GATAD1: variants seen among roughly 807,000 people sequenced by gnomAD.
GATAD1 encodes the protein GATA zinc finger domain-containing protein 1.
Under a neutral mutation model 26.5 loss-of-function variants are expected in GATAD1, and 12 were observed. That is an observed-to-expected ratio of 0.45 (90% CI 0.29 to 0.73). GATAD1 has a LOEUF of 0.73. Among genes scored for constraint, GATAD1 ranks in the 30% least tolerant of loss-of-function variants. The pLI is 0.10. For missense variants in GATAD1, 266 were observed against 342.1 expected (o/e 0.78, Z 1.75); for synonymous variants, 129 against 133.1 (o/e 0.97, Z 0.21).
the GATAD1 span, chr7:92,470,693 A>G: frequency 4.2e-6 from 1 of 240,542 alleles, no homozygotes; most frequent in Non-Finnish European, 8.6e-6. Flanking sequence ...TCTCAGGGAT[A>G]GGTTCCTTGT....
the GATAD1 span, chr7:92,487,342 A>G: frequency 1.6e-6 from 1 of 633,506 alleles, no homozygotes; most frequent in Non-Finnish European, 2.8e-6. Context: ...GATTTTATAA[A>G]TTAACCAAAT....
the GATAD1 span, chr7:92,493,448 A>G: frequency 5.8e-6 from 1 of 172,556 alleles, no homozygotes; most frequent in Non-Finnish European, 1.2e-5. Context: ...AGCCTGGGCA[A>G]CACAGGGAGA....
At chr7:92,476,010 T>C in the GATAD1 span, among the ~76,000 whole-genome samples, 2 of 152,336 alleles carry the variant, frequency 1.3e-5, no homozygotes, top group South Asian at 4.1e-4. Flanking sequence ...CCCGTATCAA[T>C]TACTGAATAC....
At chr7:92,461,367 C>G (rs929526274), downstream of GATAD1, 7 of 152,238 alleles carry the variant, frequency 4.6e-5, no homozygotes, top group Non-Finnish European at 7.3e-5. Flanking sequence ...ACAGAAGCAA[C>G]AGCCTTACAC....
chr7:92,471,857 A>G, the GATAD1 span: 2 of 152,192 alleles, frequency 1.3e-5, no homozygotes, highest in African/African-American at 4.8e-5. Context: ...GGACTAGGTA[A>G]GCATATTTAG....
At chr7:92,454,787 C>A in intron 4 of GATAD1, 102 bp downstream of exon 4, 1 of 765,740 alleles carries the variant, frequency 1.3e-6, no homozygotes, top group Non-Finnish European at 2.1e-6. Context: ...GACAAAATAT[C>A]ACAGACTGAG....
At chr7:92,485,268 C>A in the GATAD1 span, among the ~76,000 whole-genome samples, 1 of 152,142 alleles carries the variant, frequency 6.6e-6, no homozygotes, top group Admixed American at 6.5e-5. Flanking sequence ...GGCTCAGAGG[C>A]CTGACAGTCG....
chr7:92,488,009 A>G, the GATAD1 span, among the ~76,000 whole-genome samples: 2 of 152,242 alleles, frequency 1.3e-5, no homozygotes, highest in Non-Finnish European at 2.9e-5. Context: ...ACAATTAGAT[A>G]TGTGCATATA....
the GATAD1 span, among the ~76,000 whole-genome samples, chr7:92,474,372 C>T: frequency 6.6e-6 from 1 of 152,314 alleles, no homozygotes; most frequent in South Asian, 2.1e-4. Context: ...TCCTCAATGC[C>T]TCCCTTAGTC....
chr7:92,470,478 T>G, the GATAD1 span: 1 of 601,718 alleles, frequency 1.7e-6, no homozygotes, highest in Admixed American at 3.1e-5. Flanking sequence ...CGTTGTCTCC[T>G]GGATTTTCAG....
At chr7:92,465,665 A>G in the GATAD1 span, among the ~76,000 whole-genome samples, 6 of 152,258 alleles carry the variant, frequency 3.9e-5, 1 homozygote, top group East Asian at 9.7e-4. Context: ...TTGTTTATTA[A>G]ACATGACAGA....
the GATAD1 span, chr7:92,489,742 A>T: frequency 6.2e-7 from 1 of 1,614,152 alleles, no homozygotes. Flanking sequence ...TCTGCCTTTG[A>T]TAATACTGAT....
chr7:92,456,473 C>A lies in GATAD1; in HGVS notation c.721C>A (p.Pro241Thr). 3 of 1,611,872 alleles carry A rather than the reference C, an allele frequency of 1.9e-6. No individual in the cohort carries two copies. Among genetic ancestry groups the A allele is most frequent in the South Asian group, 2.2e-5 (2 of 91,028 alleles). ...KSRSSPFPTV[P>T]TRPEKGYIWT... ...ACGGTCATCACCATTTCCCACAGTT[C>A]CCACCAGACCAGAGAAGGGCTACAT... The change falls in exon 5 of 5, where the codon CCC becomes ACC. Residue 241 changes from proline (P) to threonine (T), a missense_variant. Physicochemically the swap from Pro to Thr is conservative, Grantham distance 38 (BLOSUM62 -1). Coordinates refer to ENST00000287957, the MANE Select transcript of GATAD1 (RefSeq NM_021167.5).
At chr7:92,470,302 C>CTTGGTAAGCTACTTGGTA in the GATAD1 span, 44 of 777,482 alleles carry the variant, frequency 5.7e-5, no homozygotes, top group Non-Finnish European at 9.3e-5. Context: ...ACTGGTCATA[C>CTTGGTAAGCTACTTGGTA]AGCGGCATGG....
the GATAD1 span, among the ~76,000 whole-genome samples, chr7:92,478,833 C>T: frequency 2.2e-3 from 335 of 152,298 alleles, 1 homozygote; most frequent in African/African-American, 7.3e-3. Flanking sequence ...TGGCGATTCC[C>T]ACCCTCTTCT....
the GATAD1 span, chr7:92,472,344 T>C: frequency 1.3e-5 from 2 of 152,320 alleles, no homozygotes; most frequent in East Asian, 3.9e-4. Context: ...CTGTATTATT[T>C]TAACTGCTTC....
intron 3 of GATAD1, among the ~76,000 whole-genome samples, chr7:92,451,675 A>G (rs2115860825): frequency 6.6e-6 from 1 of 152,380 alleles, no homozygotes; most frequent in East Asian, 1.9e-4. Flanking sequence ...TACACAGGCA[A>G]ACATCTCTCT....
At chr7:92,448,600 A>T in intron 1 of GATAD1, 152 bp from the exon 2 acceptor site, 1 of 688,686 alleles carries the variant, frequency 1.5e-6, no homozygotes. Context: ...AGTTGCTGTA[A>T]TTACTTCTCT....
rs6465358 is a variant in GATAD1, at chr7:92,454,268, C to G, written c.436-234C>G. 0.2 allele frequency: 89,860 copies of G among 449,418 alleles called. 9,500 individuals are homozygous for G. Among genetic ancestry groups the G allele is most frequent in the East Asian group, 0.32 (7,500 of 23,244 alleles). 27.8% of individuals were successfully genotyped at this position (449,418 alleles called of 1,614,324 possible). A position where few individuals can be genotyped will look rare whatever the true frequency, so the allele number is the denominator to read the frequency against. On this transcript the variant is annotated intron_variant, in intron 3 of 4. Transcript: ENST00000287957. Reference sequence around the variant, plus strand: ...AAATCAAAATACTTTATGAACAAATCTTTTCTCCAGATGTAAACTGTCATA... The same window carrying G: ...AAATCAAAATACTTTATGAACAAATGTTTTCTCCAGATGTAAACTGTCATA...
Sources: gnomAD v4.1 joint callset for allele counts (sites outside exome capture counted in the v4.1 genomes callset) on GRCh38, gnomAD v4.1.1 for gene constraint, MANE v1.5 for transcripts, NCBI Gene and HGNC (gene_info 2026-07-23, HGNC 2026-07-21) for gene names.